GATA2: variants seen among roughly 807,000 people sequenced by gnomAD.
The protein encoded by GATA2 is endothelial transcription factor GATA-2.
A neutral mutation model predicts 35.7 loss-of-function variants in GATA2; 6 were observed. That is an observed-to-expected ratio of 0.17 (90% CI 0.09 to 0.33). The LOEUF is 0.33. Ranked by LOEUF, GATA2 falls within the 10% of genes least tolerant of loss-of-function variation. The pLI, the probability that GATA2 is intolerant of heterozygous loss-of-function variation, is 1.00. For missense variants in GATA2, 541 were observed against 656.6 expected (o/e 0.82, Z 1.92); for synonymous variants, 313 against 274.9 (o/e 1.14, Z -1.37).
chr3:128,486,712 T>C lies in GATA2; in HGVS notation c.229+91A>G, dbSNP rs2068704278. On this transcript the variant is annotated intron_variant, in intron 2 of 5. Coordinates refer to ENST00000341105, the MANE Select transcript of GATA2 (RefSeq NM_032638.5). Reference sequence around the variant, plus strand: ...TCAGCAGCTCGATTCCTGCGGATCCTACATCCGGGAAGCAAGCAGACGGGC... The same window carrying C: ...TCAGCAGCTCGATTCCTGCGGATCCCACATCCGGGAAGCAAGCAGACGGGC... The C allele has an allele frequency of 1.0e-5, 13 of 1,253,800 alleles. No individual in the cohort carries two copies. The East Asian group carries it at 2.5e-4, about 24-fold the overall frequency. 77.7% of individuals were successfully genotyped at this position (1,253,800 alleles called of 1,614,324 possible). A position where few individuals can be genotyped will look rare whatever the true frequency, so the allele number is the denominator to read the frequency against.
chr3:128,489,664 C>T (rs2068749248), intron 1 of GATA2: 1 of 152,164 alleles, frequency 6.6e-6, no homozygotes, highest in Admixed American at 6.5e-5. Context: ...GCGGCCAGGC[C>T]GGGCAGGTGA....
Position 128,487,059 on chromosome 3 carries a change from G to A in GATA2, c.-28C>T. 1 of 1,535,756 alleles carries A rather than the reference G, an allele frequency of 6.5e-7. No homozygotes were observed. Among genetic ancestry groups the A allele is most frequent in the Non-Finnish European group, 8.8e-7 (1 of 1,137,834 alleles). ...CCGGCGGCGGCGGCTCAGGGTCTGG[G>A]TGCAGACGGCAACGGCCCTGCGCGA... On this transcript the variant is annotated 5_prime_UTR_variant, in exon 2 of 6. Transcript: ENST00000341105.
chr3:128,482,636 G>A (rs1330061776), intron 4 of GATA2, among the ~76,000 whole-genome samples: 1 of 152,106 alleles, frequency 6.6e-6, no homozygotes, highest in African/African-American at 2.4e-5. Context: ...TGTGAGTGCT[G>A]ATCCCCCCCA....
rs936591660 is a variant in GATA2 at position 128,488,817 on chromosome 3, T to A, written c.-45-1741A>T. ...TCACTTCTAGCCCGGAGATCGGCTC[T>A]ATGGTTCGTGTGGGCCGGGCGCACA... On this transcript the variant is annotated intron_variant, in intron 1 of 5. Transcript: ENST00000341105. This position sits in a 1 kb window ranked among gnomAD's most constrained non-coding sequence, Gnocchi z 5.8. 6.6e-6 allele frequency among the ~76,000 whole-genome samples: 1 copy of A among 152,098 alleles called. No individual in the cohort carries two copies. Among genetic ancestry groups the A allele is most frequent in the African/African-American group, 2.4e-5 (1 of 41,418 alleles).
At chr3:128,483,734 G>T in intron 4 of GATA2, 126 bp downstream of exon 4, 2 of 1,302,312 alleles carry the variant, frequency 1.5e-6, no homozygotes, top group Admixed American at 1.9e-5. Context: ...ACATCCCAGT[G>T]CTTTTCATGA....
chr3:128,491,223 T>C (rs61498875), intron 1 of GATA2, among the ~76,000 whole-genome samples: 14,236 of 77,150 alleles, frequency 0.18, 2,216 homozygotes, highest in Non-Finnish European at 0.23. Context: ...CCCCCCCCTC[T>C]GAGCCCTTTG....
At chr3:128,484,815 T>G (rs1409484979) in intron 3 of GATA2, among the ~76,000 whole-genome samples, 1 of 152,044 alleles carries the variant, frequency 6.6e-6, no homozygotes, top group Non-Finnish European at 1.5e-5. Context: ...GGGGACCAAG[T>G]TGAGCAGGAT....
chr3:128,491,349 CTGGGGG>C (rs1002047792), intron 1 of GATA2, among the ~76,000 whole-genome samples: 1 of 152,094 alleles, frequency 6.6e-6, no homozygotes, highest in African/African-American at 2.4e-5. Flanking sequence ...CGGTGTGGGG[CTGGGGG>C]TGGGGTGTCA....
In GATA2 at chr3:128,482,126, C is replaced by A. The variant is rs368629732; in HGVS notation, c.1018-182G>T. The A allele has an allele frequency of 1.7e-4, 127 of 765,700 alleles. No homozygotes were observed. The East Asian group carries it at 2.5e-3, about 15-fold the overall frequency. 47.4% of individuals were successfully genotyped at this position (765,700 alleles called of 1,614,324 possible). A position where few individuals can be genotyped will look rare whatever the true frequency, so the allele number is the denominator to read the frequency against. On this transcript the variant is annotated intron_variant, in intron 4 of 5. Transcript: ENST00000341105. Reference sequence around the variant, plus strand: ...TTTGAGAACGAAATAAGTCAAGACTCACAGAACTTTGGAATAAAGAACTCT... The same window carrying A: ...TTTGAGAACGAAATAAGTCAAGACTAACAGAACTTTGGAATAAAGAACTCT...
At chr3:128,491,212 C>CG (rs1398440967) in intron 1 of GATA2, among the ~76,000 whole-genome samples, 15 of 110,986 alleles carry the variant, frequency 1.4e-4, no homozygotes, top group African/African-American at 4.8e-4. Context: ...CGTCCAGCCC[C>CG]CCCCCCCCTC....
chr3:128,491,227 C>A (rs2068764736), intron 1 of GATA2, among the ~76,000 whole-genome samples: 1 of 150,650 alleles, frequency 6.6e-6, no homozygotes, highest in Non-Finnish European at 1.5e-5. Flanking sequence ...CCCCTCTGAG[C>A]CCTTTGTTTA....
At chr3:128,491,631 G>A (rs982242300) in intron 1 of GATA2, among the ~76,000 whole-genome samples, 1 of 152,174 alleles carries the variant, frequency 6.6e-6, no homozygotes, top group Admixed American at 6.5e-5. Flanking sequence ...CCTTAAAGCA[G>A]AAGGCTCCCT....
chr3:128,486,654 G>A, intron 2 of GATA2, 149 bp downstream of exon 2: 2 of 891,822 alleles, frequency 2.2e-6, no homozygotes, highest in Non-Finnish European at 3.4e-6. Context: ...CTCCCCAATC[G>A]GCCGCTGCTC....
chr3:128,483,721 C>G lies in GATA2; in HGVS notation c.1017+139G>C, dbSNP rs1030752832. The G allele has an allele frequency of 1.3e-5, 16 of 1,206,286 alleles. No individual in the cohort carries two copies. In the Admixed American group the frequency reaches 3.0e-4, roughly 22 times the overall value. The allele number at this position is 1,206,286 out of a possible 1,614,324, so 74.7% of individuals were successfully genotyped here. On this transcript the variant is annotated intron_variant, in intron 4 of 5. Coordinates refer to ENST00000341105, the MANE Select transcript of GATA2 (RefSeq NM_032638.5). ...TGGCCAGAAAGAGAGACGACCCCAA[C>G]TGACATCCCAGTGCTTTTCATGATA...
chr3:128,486,358 G>A lies in GATA2; in HGVS notation c.240C>T (p.Thr80=), dbSNP rs570641046. ...VSYSPAHARL[T]GGQMCRPHLL... is the part of the protein sequence containing the mutation. ...AGTGTGGGCGGCACATCTGGCCTCCGGTCAGGCGGGCTGCGGGCAAAGAGA... is the reference window on the plus strand; with the variant it reads ...AGTGTGGGCGGCACATCTGGCCTCCAGTCAGGCGGGCTGCGGGCAAAGAGA... Residue 80 remains threonine, a synonymous_variant, in exon 3 of 6, where the codon ACC becomes ACT. Coordinates refer to ENST00000341105, the MANE Select transcript of GATA2 (RefSeq NM_032638.5). The A allele has an allele frequency of 8.7e-6, 14 of 1,601,146 alleles. No homozygotes were observed. The highest frequency in any genetic ancestry group is 2.2e-5 in the East Asian group (1 of 44,600).
At position 128,483,950 on chromosome 3, in the gene GATA2, G is replaced by A. The variant is rs750077677; in HGVS notation, c.927C>T (p.Asp309=). The change falls in exon 4 of 6, where the codon GAC becomes GAT. Residue 309 remains aspartate, a synonymous_variant. Transcript: ENST00000341105. The part of the protein sequence containing the change: ...GATATPLWRR[D]GTGHYLCNAC... ...CATTGCACAGGTAGTGGCCGGTGCC[G>A]TCCCGCCGCCAGAGAGGGGTGGCTG... The A allele has an allele frequency of 4.5e-5, 72 of 1,613,930 alleles. No individual in the cohort carries two copies. Among genetic ancestry groups the A allele is most frequent in the South Asian group, 3.1e-4 (28 of 91,080 alleles).
intron 4 of GATA2, among the ~76,000 whole-genome samples, chr3:128,483,083 T>A (rs1294579385): frequency 6.6e-6 from 1 of 152,148 alleles, no homozygotes; most frequent in Non-Finnish European, 1.5e-5. Context: ...CACCCGGGCC[T>A]CACCCCGCCC....
rs1037327872 is a variant in GATA2 at position 128,481,203 on chromosome 3, C to T, written c.1259G>A (p.Cys420Tyr). The change falls in exon 6 of 6, where the codon TGC becomes TAC. Residue 420 changes from cysteine (C) to tyrosine (Y), a missense_variant. Physicochemically the swap from Cys to Tyr is radical, Grantham distance 194 (BLOSUM62 -2). Transcript: ENST00000341105. ...GAAGGGGGATGACTTCTCCTGCATG[C>T]ACTTTGACAGCTCCTCGAAGCACTC... Reference protein sequence around the residue: ...GAECFEELSKCMQEKSSPFSA... With the variant: ...GAECFEELSKYMQEKSSPFSA... 2 of 1,614,132 alleles carry T rather than the reference C, an allele frequency of 1.2e-6. No individual in the cohort carries two copies. Among genetic ancestry groups the T allele is most frequent in the Admixed American group, 1.7e-5 (1 of 60,018 alleles).
In GATA2 at chr3:128,488,622, G is replaced by T; in HGVS notation, c.-45-1546C>A. On this transcript the variant is annotated intron_variant, in intron 1 of 5. Coordinates refer to ENST00000341105, the MANE Select transcript of GATA2 (RefSeq NM_032638.5). This position sits in a 1 kb window ranked among gnomAD's most constrained non-coding sequence, Gnocchi z 5.8. Reference sequence around the variant, plus strand: ...AGGCCAACGGGCCCAATTGCCTGGGGCGAGGCCGTGGAGACCCGGACTGGC... The same window carrying T: ...AGGCCAACGGGCCCAATTGCCTGGGTCGAGGCCGTGGAGACCCGGACTGGC... 1 of 152,162 alleles carries T rather than the reference G, an allele frequency of 6.6e-6. No homozygotes were observed. Among genetic ancestry groups the T allele is most frequent in the East Asian group, 1.9e-4 (1 of 5,156 alleles). The allele number at this position is 152,162 out of a possible 1,614,324, so 9.4% of individuals were successfully genotyped here.
Sources: gnomAD v4.1 joint callset for allele counts (sites outside exome capture counted in the v4.1 genomes callset) on GRCh38, gnomAD v4.1.1 for gene constraint, Gnocchi (gnomAD v3.1) non-coding constraint, MANE v1.5 for transcripts, NCBI Gene and HGNC (gene_info 2026-07-23, HGNC 2026-07-21) for gene names.